Variants in PTPRD observed in about 807,000 individuals in gnomAD.
The protein encoded by PTPRD is receptor-type tyrosine-protein phosphatase delta.
PTPRD carries 34 observed loss-of-function variants against 214.5 expected under a neutral mutation model. The observed-to-expected ratio is 0.16, with a 90% CI of 0.12 to 0.21. The LOEUF (loss-of-function observed/expected upper bound fraction) is 0.21. PTPRD is among the 10% of genes least tolerant of loss of function. PTPRD has a pLI of 1.00. For missense variants in PTPRD, 2,545 were observed against 2,398.7 expected (o/e 1.06, Z -1.27); for synonymous variants, 1,128 against 845.7 (o/e 1.33, Z -5.79).
At chr9:9,315,158 T>C (rs1052798378) in intron 9 of PTPRD, among the ~76,000 whole-genome samples, 2 of 152,046 alleles carry the variant, frequency 1.3e-5, no homozygotes, top group Admixed American at 1.3e-4. Context: ...TTTGTAGCTC[T>C]TTTTCAGCAG....
Position 8,431,004 on chromosome 9 carries a change from A to G in PTPRD, c.4086+5588T>C, listed in dbSNP as rs1163389231. 2.6e-5 allele frequency among the ~76,000 whole-genome samples: 4 copies of G among 152,162 alleles called. No homozygotes were observed. In the East Asian group the frequency reaches 7.7e-4, roughly 29 times the overall value. Reference sequence around the variant, plus strand: ...CTATATTTTCTCAGCACTGAGCACAATGCTTTTCTGTAGTACTGTAGTGGA... The same window carrying G: ...CTATATTTTCTCAGCACTGAGCACAGTGCTTTTCTGTAGTACTGTAGTGGA... On this transcript the variant is annotated intron_variant, in intron 35 of 45. Coordinates refer to ENST00000381196, the MANE Select transcript of PTPRD (RefSeq NM_002839.4).
intron 9 of PTPRD, among the ~76,000 whole-genome samples, chr9:9,248,381 A>T (rs1425260782): frequency 1.3e-5 from 2 of 152,098 alleles, no homozygotes; most frequent in Non-Finnish European, 2.9e-5. Flanking sequence ...GGCATGAGCC[A>T]CCGTGCCTGG....
In PTPRD at chr9:9,087,884, T is replaced by TA. The variant is rs1271396913; in HGVS notation, c.-142-69150_-142-69149insT. On this transcript the variant is annotated intron_variant, in intron 10 of 45. Transcript: ENST00000381196. ...TCCACCAGAGCCCTAAACTCTTTTT[T>TA]TTTTTTTTTTTTTTTTTTTTGAGAC... 9.9e-3 allele frequency among the ~76,000 whole-genome samples: 1,287 copies of TA among 130,488 alleles called. 33 individuals are homozygous for TA. Among genetic ancestry groups the TA allele is most frequent in the African/African-American group, 0.035 (1,211 of 34,860 alleles). 85.6% of individuals were successfully genotyped at this position (130,488 alleles called of 152,430 possible).
Position 10,452,835 on chromosome 9 carries a change from G to A in PTPRD, c.-599-111818C>T, listed in dbSNP as rs150314303. 2.6e-5 allele frequency among the ~76,000 whole-genome samples: 4 copies of A among 151,746 alleles called. No individual in the cohort carries two copies. The South Asian group carries it at 6.2e-4, about 24-fold the overall frequency. On this transcript the variant is annotated intron_variant, in intron 2 of 45. Transcript: ENST00000381196. The stretch of plus-strand genomic sequence containing the variant: ...TGCATAAGGATTCTAGTTTGATGTA[G>A]TCTCATGTTTATTTTTGCTTTTGTT...
chr9:9,382,411 G>A (rs914454032), intron 9 of PTPRD, among the ~76,000 whole-genome samples: 1 of 152,046 alleles, frequency 6.6e-6, no homozygotes, highest in East Asian at 1.9e-4. Context: ...GGGAGAAAAT[G>A]TTTGCAAACC....
Position 10,454,810 on chromosome 9 carries a change from TACAC to T in PTPRD, c.-599-113797_-599-113794del, listed in dbSNP as rs111248967. ...ATTTTTCTTTAATTCTAAAAATGTT[TACAC>T]ACACACACACACACATGCACATGCA... On this transcript the variant is annotated intron_variant, in intron 2 of 45. Coordinates refer to ENST00000381196, the MANE Select transcript of PTPRD (RefSeq NM_002839.4). Among the ~76,000 whole-genome samples, 46 of 150,166 alleles carry T rather than the reference TACAC, an allele frequency of 3.1e-4. No homozygotes were observed. The East Asian group carries it at 6.2e-3, about 20-fold the overall frequency.
intron 9 of PTPRD, among the ~76,000 whole-genome samples, chr9:9,282,930 A>T (rs1948220998): frequency 6.6e-6 from 1 of 151,488 alleles, no homozygotes; most frequent in Admixed American, 6.6e-5. Context: ...AATATGTTAG[A>T]TTACACTATT....
At chr9:8,651,985 G>T (rs1048966282) in intron 12 of PTPRD, among the ~76,000 whole-genome samples, 5 of 152,124 alleles carry the variant, frequency 3.3e-5, no homozygotes, top group Admixed American at 2.6e-4. Context: ...TTTCAGTGCC[G>T]ATTATGCACG....
intron 36 of PTPRD, 67 bp from the exon 37 acceptor site, chr9:8,389,474 C>A (rs1318796674): frequency 8.1e-7 from 1 of 1,234,122 alleles, no homozygotes; most frequent in South Asian, 1.5e-5. Context: ...TGGGACATGA[C>A]CTAATGGCAG....
chr9:8,956,350 T>C (rs1323204012), intron 11 of PTPRD, among the ~76,000 whole-genome samples: 1 of 151,954 alleles, frequency 6.6e-6, no homozygotes, highest in Non-Finnish European at 1.5e-5. Flanking sequence ...TTTGGACTAA[T>C]ACTTAACATT....
rs71485332 is a variant in PTPRD at position 10,438,008 on chromosome 9, C to CATATATATAT, written c.-599-97001_-599-96992dup. The stretch of plus-strand genomic sequence containing the variant: ...CTGGACTATCAGCTCCCTAAGTCTA[C>CATATATATAT]ATATATATATATATATATATAGTGA... On this transcript the variant is annotated intron_variant, in intron 2 of 45. Transcript: ENST00000381196. Among the ~76,000 whole-genome samples the CATATATATAT allele has an allele frequency of 4.1e-3, 507 of 125,138 alleles. 34 individuals are homozygous for CATATATATAT. Among genetic ancestry groups the CATATATATAT allele is most frequent in the African/African-American group, 0.018 (466 of 25,984 alleles). 82.1% of individuals were successfully genotyped at this position (125,138 alleles called of 152,430 possible). A position where few individuals can be genotyped will look rare whatever the true frequency, so the allele number is the denominator to read the frequency against.
At chr9:10,607,598 T>C (rs1016109565) in intron 2 of PTPRD, among the ~76,000 whole-genome samples, 1 of 151,870 alleles carries the variant, frequency 6.6e-6, no homozygotes, top group East Asian at 1.9e-4. Context: ...TGATTTAAAA[T>C]GTACATTTCA....
At position 8,316,046 on chromosome 9, in the gene PTPRD, T is replaced by TA. The variant is rs1303709049; in HGVS notation, c.*1827dup. On this transcript the variant is annotated 3_prime_UTR_variant, in exon 46 of 46. Transcript: ENST00000381196. ...GTTACTAAAATAAGTTTGGTGCAGTTACTGCATGTTCCAGAGCGGATTTGG... is the reference window on the plus strand; with the variant it reads ...GTTACTAAAATAAGTTTGGTGCAGTTAACTGCATGTTCCAGAGCGGATTTGG... 4.4e-6 allele frequency: 1 copy of TA among 228,686 alleles called. No homozygotes were observed. The highest frequency in any genetic ancestry group is 8.7e-6 in the Non-Finnish European group (1 of 115,056). The allele number at this position is 228,686 out of a possible 1,614,324, so 14.2% of individuals were successfully genotyped here.
chr9:8,786,495 T>A (rs972032598), intron 11 of PTPRD, among the ~76,000 whole-genome samples: 3 of 147,214 alleles, frequency 2.0e-5, no homozygotes, highest in Non-Finnish European at 4.5e-5. Flanking sequence ...ACTGCAACCT[T>A]CGCTTCCCGG....
At chr9:9,913,553 T>G (rs1001846297) in intron 5 of PTPRD, among the ~76,000 whole-genome samples, 4 of 152,082 alleles carry the variant, frequency 2.6e-5, no homozygotes, top group Non-Finnish European at 4.4e-5. Context: ...GCACCAGTAG[T>G]GACTGGAAAT....
chr9:9,172,994 C>G (rs913392620), intron 10 of PTPRD, among the ~76,000 whole-genome samples: 2 of 152,112 alleles, frequency 1.3e-5, no homozygotes, highest in African/African-American at 4.8e-5. Context: ...GAATGAAAGC[C>G]AAAGTTCTTA....
intron 2 of PTPRD, among the ~76,000 whole-genome samples, chr9:10,371,874 G>C (rs935389428): frequency 6.6e-6 from 1 of 152,174 alleles, no homozygotes; most frequent in African/African-American, 2.4e-5. Context: ...ACTGTTGCTG[G>C]TAAAACAGCT....
intron 11 of PTPRD, among the ~76,000 whole-genome samples, chr9:9,007,815 C>G (rs543419682): frequency 6.9e-6 from 1 of 145,516 alleles, no homozygotes; most frequent in South Asian, 2.2e-4. Context: ...TTTTTTTACA[C>G]CATAAATATA....
intron 10 of PTPRD, among the ~76,000 whole-genome samples, chr9:9,025,161 T>C (rs2099582731): frequency 6.6e-6 from 1 of 152,030 alleles, no homozygotes; most frequent in Non-Finnish European, 1.5e-5. Context: ...CATTGCTTTA[T>C]TATTTTATGA....
Sources: allele counts gnomAD v4.1 joint callset (sites outside exome capture counted in the v4.1 genomes callset), GRCh38; gene constraint gnomAD v4.1.1; transcripts MANE v1.5; gene names NCBI Gene and HGNC (gene_info 2026-07-23, HGNC 2026-07-21).